Variants in CCSER1 observed in about 807,000 individuals in gnomAD.
CCSER1 encodes the protein coiled-coil serine rich protein 1, also known as serine-rich coiled-coil domain-containing protein 1.
Under a neutral mutation model 82.0 loss-of-function variants are expected in CCSER1, and 41 were observed. The observed-to-expected ratio is 0.50, with a 90% CI of 0.39 to 0.65. The LOEUF (loss-of-function observed/expected upper bound fraction) is 0.65, where lower values mean the gene tolerates loss of function less well. CCSER1 is among the 30% of genes least tolerant of loss of function. The pLI is 0.00. For synonymous variants in CCSER1, 414 were observed against 383.9 expected, an observed-to-expected ratio of 1.08 and a Z score of -0.92; for missense variants, 1,119 against 1,064.2, an observed-to-expected ratio of 1.05 and a Z score of -0.72.
chr4:90,542,393 T>C (rs1776219456), intron 5 of CCSER1, among the ~76,000 whole-genome samples: 1 of 152,140 alleles, frequency 6.6e-6, no homozygotes, highest in Admixed American at 6.6e-5. Context: ...AGTACACTTA[T>C]TCTAGTCAGG....
intron 1 of CCSER1, among the ~76,000 whole-genome samples, chr4:90,150,123 A>C (rs1471164930): frequency 1.3e-5 from 2 of 152,076 alleles, no homozygotes; most frequent in Non-Finnish European, 2.9e-5. Context: ...GCAATGAAAA[A>C]CCCACATAAT....
chr4:90,234,313 C>G (rs1035417046), intron 1 of CCSER1, among the ~76,000 whole-genome samples: 2 of 151,656 alleles, frequency 1.3e-5, no homozygotes, highest in African/African-American at 4.9e-5. Context: ...TGCTCCCTAG[C>G]TCAAGCAATT....
At chr4:91,075,145 C>G (rs1001536241) in intron 9 of CCSER1, among the ~76,000 whole-genome samples, 1 of 150,922 alleles carries the variant, frequency 6.6e-6, no homozygotes, top group Non-Finnish European at 1.5e-5. Context: ...CATGCAGTTA[C>G]TAGAATGCAA....
intron 6 of CCSER1, among the ~76,000 whole-genome samples, chr4:90,720,953 A>G (rs1400599108): frequency 6.6e-6 from 1 of 151,976 alleles, no homozygotes; most frequent in African/African-American, 2.4e-5. Context: ...AATTAAGGAA[A>G]TTGTCTTCTA....
At chr4:90,267,822 T>G (rs1725512804) in intron 1 of CCSER1, among the ~76,000 whole-genome samples, 1 of 152,158 alleles carries the variant, frequency 6.6e-6, no homozygotes, top group Admixed American at 6.5e-5. Flanking sequence ...AACAAAACTT[T>G]AGACCATATG....
At chr4:90,541,335 C>G (rs1279916711) in intron 5 of CCSER1, among the ~76,000 whole-genome samples, 1 of 152,054 alleles carries the variant, frequency 6.6e-6, no homozygotes, top group African/African-American at 2.4e-5. Flanking sequence ...ATAATAATAA[C>G]AGTGTTGATA....
chr4:91,272,266 T>A (rs1742094978), intron 10 of CCSER1, among the ~76,000 whole-genome samples: 1 of 152,140 alleles, frequency 6.6e-6, no homozygotes, highest in South Asian at 2.1e-4. Flanking sequence ...CAATATCTAT[T>A]ATGTTTTGAT....
At chr4:91,162,602 T>A (rs1384543834) in intron 10 of CCSER1, among the ~76,000 whole-genome samples, 4 of 152,202 alleles carry the variant, frequency 2.6e-5, no homozygotes, top group Non-Finnish European at 1.5e-5. Flanking sequence ...TTGCCTCAAT[T>A]TCAGAGCCTG....
intron 10 of CCSER1, among the ~76,000 whole-genome samples, chr4:91,210,659 G>A (rs1736739310): frequency 6.6e-6 from 1 of 151,502 alleles, no homozygotes; most frequent in South Asian, 2.1e-4. Flanking sequence ...AAAATGTTAA[G>A]GATATAAAAT....
At chr4:90,213,783 G>T (rs758821027) in intron 1 of CCSER1, among the ~76,000 whole-genome samples, 2 of 152,148 alleles carry the variant, frequency 1.3e-5, no homozygotes, top group Non-Finnish European at 2.9e-5. Context: ...TTTAGCAGTG[G>T]TCTTAGCAAT....
At chr4:91,514,596 T>A (rs1379023791) in intron 10 of CCSER1, among the ~76,000 whole-genome samples, 1 of 150,180 alleles carries the variant, frequency 6.7e-6, no homozygotes, top group African/African-American at 2.5e-5. Context: ...TTTATACATC[T>A]AGGAGTATTT....
chr4:90,842,803 A>G (rs913743955), intron 8 of CCSER1, among the ~76,000 whole-genome samples: 6 of 152,206 alleles, frequency 3.9e-5, no homozygotes, highest in Non-Finnish European at 8.8e-5. Context: ...TGGTTAGAGT[A>G]ACCGTATTCT....
At chr4:91,308,036 T>C (rs1745198566) in intron 10 of CCSER1, among the ~76,000 whole-genome samples, 1 of 151,948 alleles carries the variant, frequency 6.6e-6, no homozygotes, top group African/African-American at 2.4e-5. Context: ...ATTAGTTCCC[T>C]TCACTGCTAA....
At chr4:91,045,580 A>G (rs1389968123) in intron 9 of CCSER1, among the ~76,000 whole-genome samples, 1 of 152,218 alleles carries the variant, frequency 6.6e-6, no homozygotes, top group Non-Finnish European at 1.5e-5. Flanking sequence ...AAAAATAAAA[A>G]CAGATAAAAC....
rs1730551842 is a variant in CCSER1, at chr4:91,154,116, T to G, written c.2217+68122T>G. Among the ~76,000 whole-genome samples the G allele has an allele frequency of 1.3e-5, 2 of 152,012 alleles. 1 individual carries two copies. Among genetic ancestry groups the G allele is most frequent in the Non-Finnish European group, 2.9e-5 (2 of 67,926 alleles). ...ATGCCCTGCCCCCAGAGGTGGAGTC[T>G]ACAGAGGCAGGCAGGCCTCCTTGAG... On this transcript the variant is annotated intron_variant, in intron 10 of 10. Coordinates refer to ENST00000509176, the MANE Select transcript of CCSER1 (RefSeq NM_001145065.2).
chr4:90,721,000 ATAAT>A (rs1742580884), intron 6 of CCSER1, among the ~76,000 whole-genome samples: 1 of 151,926 alleles, frequency 6.6e-6, no homozygotes, highest in African/African-American at 2.4e-5. Context: ...GAGTTTTTTA[ATAAT>A]TAGGCAAGTA....
intron 9 of CCSER1, among the ~76,000 whole-genome samples, chr4:91,032,349 C>T (rs1228791467): frequency 1.3e-5 from 2 of 152,176 alleles, no homozygotes; most frequent in East Asian, 3.9e-4. Flanking sequence ...AAAATTGAAG[C>T]ATCATTTGTA....
chr4:90,235,258 A>C (rs1745561337), intron 1 of CCSER1: 2 of 152,328 alleles, frequency 1.3e-5, no homozygotes, highest in Admixed American at 1.3e-4. Flanking sequence ...AGCTGCTTTT[A>C]GATTTCACTT....
intron 10 of CCSER1, among the ~76,000 whole-genome samples, chr4:91,563,355 C>A (rs1239108549): frequency 6.6e-6 from 1 of 151,622 alleles, no homozygotes; most frequent in African/African-American, 2.4e-5. Flanking sequence ...CCATGAGATG[C>A]AAAGATGGTT....
Sources: gnomAD v4.1 joint callset for allele counts (sites outside exome capture counted in the v4.1 genomes callset) on GRCh38, gnomAD v4.1.1 for gene constraint, MANE v1.5 for transcripts, NCBI Gene and HGNC (gene_info 2026-07-23, HGNC 2026-07-21) for gene names.